Variants in RGS7BP observed in about 807,000 individuals in gnomAD.
The protein encoded by RGS7BP is regulator of G protein signaling 7 binding protein, also known as regulator of G protein signaling 7-binding protein.
A neutral mutation model predicts 31.3 loss-of-function variants in RGS7BP; 9 were observed. The observed-to-expected ratio is 0.29, with a 90% CI of 0.17 to 0.50. The LOEUF is 0.50. Ranked by LOEUF, RGS7BP falls within the 20% of genes least tolerant of loss-of-function variation. The pLI is 0.98. For missense variants in RGS7BP, 274 were observed against 322.0 expected (o/e 0.85, Z 1.14); for synonymous variants, 115 against 120.1 (o/e 0.96, Z 0.28).
intron 2 of RGS7BP, among the ~76,000 whole-genome samples, chr5:64,542,596 G>A (rs1025753959): frequency 6.6e-6 from 1 of 152,154 alleles, no homozygotes; most frequent in Admixed American, 6.5e-5. Context: ...GCCATAGCAT[G>A]TTTACAAGGA....
At chr5:64,565,460 C>T (rs921557694) in intron 2 of RGS7BP, among the ~76,000 whole-genome samples, 7 of 151,974 alleles carry the variant, frequency 4.6e-5, no homozygotes, top group Admixed American at 1.3e-4. Flanking sequence ...CCCCTTTCTA[C>T]GTATCTGCAT....
At chr5:64,508,541 G>A (rs529510265) in intron 2 of RGS7BP, among the ~76,000 whole-genome samples, 1 of 152,246 alleles carries the variant, frequency 6.6e-6, no homozygotes, top group South Asian at 2.1e-4. Flanking sequence ...AATTCAGTAT[G>A]TGAAAACTTC....
At chr5:64,538,936 A>T (rs80005316) in intron 2 of RGS7BP, among the ~76,000 whole-genome samples, 1,962 of 152,188 alleles carry the variant, frequency 0.013, 46 homozygotes, top group African/African-American at 0.044. Flanking sequence ...TTGAATGCAC[A>T]TTCTTTTTTA....
At position 64,594,937 on chromosome 5, in the gene RGS7BP, T is replaced by C; in HGVS notation, c.611+80T>C. The C allele has an allele frequency of 1.4e-5, 20 of 1,448,974 alleles. No homozygotes were observed. The South Asian group carries it at 2.4e-4, about 18-fold the overall frequency. The allele number at this position is 1,448,974 out of a possible 1,614,324, so 89.8% of individuals were successfully genotyped here. ...TAGGGGCCACAGAGAGACGAGGTTT[T>C]CTAGTTCAGATTCAGAAACAGAGCT... On this transcript the variant is annotated intron_variant, in intron 4 of 5. Transcript: ENST00000334025.
chr5:64,511,107 A>C (rs2111873374), intron 2 of RGS7BP, among the ~76,000 whole-genome samples: 1 of 152,360 alleles, frequency 6.6e-6, no homozygotes. Flanking sequence ...AGCATTAAAC[A>C]AGCCACTAAT....
chr5:64,511,956 A>G (rs1470224050), intron 2 of RGS7BP, among the ~76,000 whole-genome samples: 2 of 152,152 alleles, frequency 1.3e-5, no homozygotes, highest in African/African-American at 4.8e-5. Context: ...AGGCTGCTCT[A>G]AGACTGGGAC....
At chr5:64,518,210 A>G (rs1749022345) in intron 2 of RGS7BP, among the ~76,000 whole-genome samples, 2 of 152,196 alleles carry the variant, frequency 1.3e-5, no homozygotes, top group South Asian at 4.1e-4. Context: ...TTCATCATAT[A>G]TAACAGTATT....
At position 64,523,411 on chromosome 5, in the gene RGS7BP, A is replaced by G. The variant is rs79280116; in HGVS notation, c.332+15534A>G. Among the ~76,000 whole-genome samples, 693 of 152,290 alleles carry G rather than the reference A, an allele frequency of 4.6e-3. 21 individuals carry two copies. In the East Asian group the frequency reaches 0.072, roughly 16 times the overall value. On this transcript the variant is annotated intron_variant, in intron 2 of 5. Transcript: ENST00000334025. ...ACATGTGAAATACCACTATTTTTATATGTTGGCCCATAGAAAAATTTGCTG... is the reference window on the plus strand; with the variant it reads ...ACATGTGAAATACCACTATTTTTATGTGTTGGCCCATAGAAAAATTTGCTG...
chr5:64,575,340 A>C (rs1310984085), intron 2 of RGS7BP, among the ~76,000 whole-genome samples: 1 of 152,198 alleles, frequency 6.6e-6, no homozygotes, highest in Non-Finnish European at 1.5e-5. Context: ...CTCTCTAATC[A>C]CATTATACTA....
intron 2 of RGS7BP, among the ~76,000 whole-genome samples, chr5:64,540,312 A>C (rs1741495468): frequency 6.6e-6 from 1 of 152,170 alleles, no homozygotes; most frequent in African/African-American, 2.4e-5. Flanking sequence ...CTCATGTTGT[A>C]TGTACCACTT....
intron 2 of RGS7BP, among the ~76,000 whole-genome samples, chr5:64,537,653 C>T (rs751100581): frequency 3.3e-5 from 5 of 152,124 alleles, no homozygotes; most frequent in Non-Finnish European, 5.9e-5. Flanking sequence ...ATTCCTGGAT[C>T]AAGACAGAGC....
rs1389825459 is a variant in RGS7BP at position 64,612,090 on chromosome 5, T to A, written c.*2838T>A. On this transcript the variant is annotated 3_prime_UTR_variant, in exon 6 of 6. Coordinates refer to ENST00000334025, the MANE Select transcript of RGS7BP (RefSeq NM_001029875.3). ...TCTTTACTATCCTGTGTTGATTTTTTTTTCAAATTACAAAGACAATACATG... is the reference window on the plus strand; with the variant it reads ...TCTTTACTATCCTGTGTTGATTTTTATTTCAAATTACAAAGACAATACATG... 6.6e-6 allele frequency: 1 copy of A among 152,348 alleles called. No individual in the cohort carries two copies. The highest frequency in any genetic ancestry group is 1.5e-5 in the Non-Finnish European group (1 of 67,908). The allele number at this position is 152,348 out of a possible 1,614,324, so 9.4% of individuals were successfully genotyped here.
At chr5:64,573,484 TA>T (rs1318959018) in intron 2 of RGS7BP, 1 of 152,142 alleles carries the variant, frequency 6.6e-6, no homozygotes, top group African/African-American at 2.4e-5. Context: ...CTGTACTGGC[TA>T]ATTGTCCCAC....
chr5:64,536,124 G>A (rs1309515023), intron 2 of RGS7BP, among the ~76,000 whole-genome samples: 1 of 152,188 alleles, frequency 6.6e-6, no homozygotes, highest in African/African-American at 2.4e-5. Flanking sequence ...GTCTCTTTGG[G>A]TAGGTAATAT....
At chr5:64,591,443 A>G (rs1002489465) in intron 3 of RGS7BP, among the ~76,000 whole-genome samples, 1 of 152,186 alleles carries the variant, frequency 6.6e-6, no homozygotes, top group Non-Finnish European at 1.5e-5. Flanking sequence ...ATTTCTCCCC[A>G]TTAGATTAGC....
At chr5:64,533,867 T>C (rs1161086904) in intron 2 of RGS7BP, among the ~76,000 whole-genome samples, 2 of 152,216 alleles carry the variant, frequency 1.3e-5, no homozygotes, top group African/African-American at 4.8e-5. Flanking sequence ...GTACCTACTA[T>C]GTACCAGGCA....
At chr5:64,599,444 G>T (rs549757502) in intron 5 of RGS7BP, among the ~76,000 whole-genome samples, 1 of 152,282 alleles carries the variant, frequency 6.6e-6, no homozygotes, top group East Asian at 1.9e-4. Flanking sequence ...GGCTCCTCTT[G>T]GCTCCAGGAG....
At chr5:64,606,983 G>A (rs574811899) in intron 5 of RGS7BP, among the ~76,000 whole-genome samples, 32 of 141,472 alleles carry the variant, frequency 2.3e-4, no homozygotes, top group African/African-American at 7.8e-4. Flanking sequence ...CTGGGAGGGT[G>A]GACTGTGTTT....
chr5:64,531,290 T>C (rs536281436), intron 2 of RGS7BP, among the ~76,000 whole-genome samples: 3 of 152,326 alleles, frequency 2.0e-5, no homozygotes, highest in Admixed American at 2.0e-4. Context: ...TATTAGAAAA[T>C]CTTGTAAGAG....
Sources: allele counts gnomAD v4.1 joint callset (sites outside exome capture counted in the v4.1 genomes callset), GRCh38; gene constraint gnomAD v4.1.1; transcripts MANE v1.5; gene names NCBI Gene and HGNC (gene_info 2026-07-23, HGNC 2026-07-21).